The following BLOC1S6 variants were observed in gnomAD, a reference collection of about 807,000 sequenced individuals.
BLOC1S6 encodes the protein biogenesis of lysosome-related organelles complex 1 subunit 6.
A neutral mutation model predicts 24.7 loss-of-function variants in BLOC1S6; 24 were observed. The observed-to-expected ratio is 0.97, with a 90% confidence interval of 0.70 to 1.37. The LOEUF is 1.37. Among genes scored for constraint, BLOC1S6 ranks in the 40% most tolerant of loss-of-function variants. The probability of loss-of-function intolerance (pLI) is 0.00; values close to 1 mark genes in which losing one functional copy is unlikely to be tolerated. For missense variants in BLOC1S6, 175 were observed against 196.2 expected (o/e 0.89, Z 0.64); for synonymous variants, 76 against 72.6 (o/e 1.05, Z -0.23).
At chr15:45,602,269 G>A in intron 2 of BLOC1S6, 1 of 605,818 alleles carries the variant, frequency 1.7e-6, no homozygotes. Context: ...ATTGCCCTGA[G>A]CCTGTTCGTT....
intron 1 of BLOC1S6, chr15:45,587,836 A>G (rs1180082386): frequency 1.5e-6 from 1 of 689,500 alleles, no homozygotes. Context: ...GTGGTGGGGG[A>G]TGGATTTACC....
rs932825579 is a variant in BLOC1S6, at chr15:45,600,021, G to A, written c.225-3079G>A. 3.8e-4 allele frequency among the ~76,000 whole-genome samples: 58 copies of A among 151,368 alleles called. 2 individuals carry two copies. The highest frequency in any genetic ancestry group is 1.3e-3 in the African/African-American group (54 of 41,074). On this transcript the variant is annotated intron_variant, in intron 2 of 4. Transcript: ENST00000220531. ...CAGCCATAAAAAATGATGAGTTCCT[G>A]TCCTTTGTAGGGACATGGATGAAAT...
chr15:45,588,409 T>G (rs755793870), intron 1 of BLOC1S6, among the ~76,000 whole-genome samples: 1 of 152,254 alleles, frequency 6.6e-6, no homozygotes, highest in Non-Finnish European at 1.5e-5. Context: ...GTAAGGCATG[T>G]ACATAAATGA....
At position 45,608,949 on chromosome 15, in the gene BLOC1S6, A is replaced by G. The variant is rs183813503; in HGVS notation, c.*2435A>G. The G allele has an allele frequency of 3.9e-5, 6 of 152,358 alleles. No homozygotes were observed. The highest frequency in any genetic ancestry group is 1.4e-4 in the African/African-American group (6 of 41,584). 9.4% of individuals were successfully genotyped at this position (152,358 alleles called of 1,614,324 possible). ...ATAGATATAGAATTCTGGTTAGCTA[A>G]TTGAACTTTTGTGACCTGTTTAAAA... On this transcript the variant is annotated 3_prime_UTR_variant, in exon 5 of 5. Transcript: ENST00000220531.
chr15:45,600,523 A>AT (rs1259394273), intron 2 of BLOC1S6, among the ~76,000 whole-genome samples: 7 of 152,088 alleles, frequency 4.6e-5, no homozygotes, highest in African/African-American at 1.7e-4. Flanking sequence ...TAGATGCTGG[A>AT]TTTTGTCAAA....
intron 2 of BLOC1S6, among the ~76,000 whole-genome samples, chr15:45,592,912 T>C (rs1383838384): frequency 6.6e-6 from 1 of 152,194 alleles, no homozygotes; most frequent in Non-Finnish European, 1.5e-5. Flanking sequence ...GGCTGGCCTG[T>C]CTGTCATTTC....
intron 2 of BLOC1S6, among the ~76,000 whole-genome samples, chr15:45,597,340 G>T (rs1394840716): frequency 1.3e-5 from 2 of 152,132 alleles, no homozygotes; most frequent in African/African-American, 4.8e-5. Flanking sequence ...TCAGCCTGGC[G>T]TGGTGGTGTG....
At chr15:45,590,260 G>C (rs1437982652) in intron 1 of BLOC1S6, among the ~76,000 whole-genome samples, 1 of 151,120 alleles carries the variant, frequency 6.6e-6, no homozygotes, top group Non-Finnish European at 1.5e-5. Context: ...TTTCTAGTTA[G>C]CTCTTACCTA....
Position 45,607,108 on chromosome 15 carries a change from C to T in BLOC1S6, c.*594C>T, listed in dbSNP as rs1004420155. 1 of 152,482 alleles carries T rather than the reference C, an allele frequency of 6.6e-6. No individual in the cohort carries two copies. Among genetic ancestry groups the T allele is most frequent in the African/African-American group, 2.4e-5 (1 of 41,436 alleles). 9.4% of individuals were successfully genotyped at this position (152,482 alleles called of 1,614,324 possible). ...AACAAAAATAAGGAACTTGTTGCTA[C>T]CTTTCTTTTCTGTTGAACATTAAAA... is the stretch of plus-strand genomic sequence containing the variant. On this transcript the variant is annotated 3_prime_UTR_variant, in exon 5 of 5. Transcript: ENST00000220531.
intron 2 of BLOC1S6, among the ~76,000 whole-genome samples, chr15:45,595,991 A>G (rs1167853137): frequency 1.3e-5 from 2 of 152,108 alleles, no homozygotes; most frequent in African/African-American, 4.8e-5. Context: ...TACTTTTAGT[A>G]GAGCCGGGGT....
At chr15:45,591,416 A>G (rs866381891) in intron 1 of BLOC1S6, among the ~76,000 whole-genome samples, 1 of 151,900 alleles carries the variant, frequency 6.6e-6, no homozygotes. Flanking sequence ...AGGCTCCTTT[A>G]TTTTATTTTT....
At chr15:45,590,944 T>C (rs554376871) in intron 1 of BLOC1S6, among the ~76,000 whole-genome samples, 1 of 152,354 alleles carries the variant, frequency 6.6e-6, no homozygotes, top group Non-Finnish European at 1.5e-5. Context: ...AAATCAGTGA[T>C]TCCATCTTAC....
At chr15:45,590,162 G>A (rs900458151) in intron 1 of BLOC1S6, among the ~76,000 whole-genome samples, 1 of 151,682 alleles carries the variant, frequency 6.6e-6, no homozygotes, top group Admixed American at 6.6e-5. Context: ...ATATCCCTAA[G>A]TGCTTCACTT....
upstream of BLOC1S6, chr15:45,587,160 C>T: frequency 1.9e-6 from 1 of 516,504 alleles, no homozygotes. Context: ...CCACCGTCCT[C>T]CCCCAGCTCC....
Position 45,603,898 on chromosome 15 carries a change from G to A in BLOC1S6, c.312+711G>A, listed in dbSNP as rs566185104. Among the ~76,000 whole-genome samples the A allele has an allele frequency of 2.6e-5, 4 of 152,116 alleles. No homozygotes were observed. The South Asian group carries it at 6.2e-4, about 24-fold the overall frequency. On this transcript the variant is annotated intron_variant, in intron 3 of 4. Transcript: ENST00000220531. Reference sequence around the variant, plus strand: ...ATTAATGCTATAGGCTGAAGTGGACGCTTTGAGAATGATCAGTTATATCTT... The same window carrying A: ...ATTAATGCTATAGGCTGAAGTGGACACTTTGAGAATGATCAGTTATATCTT...
chr15:45,601,124 A>G (rs939838126), intron 2 of BLOC1S6: 3 of 153,970 alleles, frequency 1.9e-5, no homozygotes, highest in African/African-American at 7.2e-5. Context: ...ATTAACAACA[A>G]TAACTAATAA....
intron 2 of BLOC1S6, among the ~76,000 whole-genome samples, chr15:45,594,414 G>A (rs1400827676): frequency 3.9e-5 from 6 of 152,216 alleles, no homozygotes; most frequent in Non-Finnish European, 7.4e-5. Context: ...AGCTCCCTTC[G>A]AGATAATTCA....
chr15:45,592,182 A>G lies in BLOC1S6; in HGVS notation c.130A>G (p.Ile44Val), dbSNP rs564232908. Residue 44 changes from isoleucine (I) to valine (V), a missense_variant, in exon 2 of 5, where the codon ATA becomes GTA. Physicochemically the swap from Ile to Val is conservative, Grantham distance 29. Transcript: ENST00000220531. ...TGAAGGGTTAATAGAGGACTTGACT[A>G]TAGAAGACAAAGCAGTGGAGCAACT... The part of the protein sequence containing the change: ...PDEGLIEDLT[I>V]EDKAVEQLAE... 33 of 1,614,190 alleles carry G rather than the reference A, an allele frequency of 2.0e-5. No homozygotes were observed. In the Admixed American group the frequency reaches 2.7e-4, roughly 13 times the overall value.
intron 4 of BLOC1S6, 193 bp downstream of exon 4, chr15:45,605,707 A>T (rs1374967576): frequency 4.1e-6 from 2 of 492,954 alleles, no homozygotes; most frequent in African/African-American, 4.0e-5. Flanking sequence ...CTTCTGCCTC[A>T]GCTCCCCAGG....
Sources: allele counts gnomAD v4.1 joint callset (sites outside exome capture counted in the v4.1 genomes callset), GRCh38; gene constraint gnomAD v4.1.1; transcripts MANE v1.5; gene names NCBI Gene and HGNC (gene_info 2026-07-23, HGNC 2026-07-21).